PRUNE2: variants seen among roughly 807,000 people sequenced by gnomAD.
PRUNE2 encodes the protein protein prune homolog 2.
In PRUNE2, 164 loss-of-function variants were observed where a neutral mutation model predicts 252.0. The observed-to-expected ratio is 0.65, with a 90% CI of 0.57 to 0.74. The LOEUF (loss-of-function observed/expected upper bound fraction) is 0.74, where lower values mean the gene tolerates loss of function less well. Among genes scored for constraint, PRUNE2 ranks in the 30% least tolerant of loss-of-function variants. The pLI, the probability that PRUNE2 is intolerant of heterozygous loss-of-function variation, is 0.00. For missense variants in PRUNE2, 3,495 were observed against 3,711.0 expected (o/e 0.94, Z 1.51); for synonymous variants, 1,292 against 1,350.2 (o/e 0.96, Z 0.94).
At position 76,710,043 on chromosome 9, in the gene PRUNE2, G is replaced by A; in HGVS notation, c.2231C>T (p.Pro744Leu). ...NEESLPFQNL[P>L]MEKSPLPNTS... ...ATTTGGCAAAGGTGACTTCTCCATG[G>A]GCAGGTTCTGGAACGGCAAGCTTTC... is the stretch of plus-strand genomic sequence containing the variant. The change falls in exon 8 of 19, where the codon CCC (proline) becomes CTC (leucine). Residue 744 changes from proline to leucine, a missense_variant. Pro to Leu is a moderately conservative substitution (Grantham distance 98, BLOSUM62 -3). Transcript: ENST00000376718. The A allele has an allele frequency of 1.2e-6, 2 of 1,613,836 alleles. No individual in the cohort carries two copies. Among genetic ancestry groups the A allele is most frequent in the Non-Finnish European group, 1.7e-6 (2 of 1,179,848 alleles).
chr9:76,732,380 T>C (rs1409202782), intron 6 of PRUNE2, among the ~76,000 whole-genome samples: 1 of 152,152 alleles, frequency 6.6e-6, no homozygotes, highest in Admixed American at 6.5e-5. Flanking sequence ...GGAAAGGCAA[T>C]CTTCTCTTTG....
At chr9:76,694,932 A>T (rs917634500) in intron 9 of PRUNE2, among the ~76,000 whole-genome samples, 1 of 152,194 alleles carries the variant, frequency 6.6e-6, no homozygotes, top group African/African-American at 2.4e-5. Flanking sequence ...TTAAAAAATA[A>T]ATATAAAAAG....
intron 9 of PRUNE2, among the ~76,000 whole-genome samples, chr9:76,688,811 A>T (rs1431610933): frequency 6.6e-6 from 1 of 152,208 alleles, no homozygotes; most frequent in Non-Finnish European, 1.5e-5. Context: ...CATTTAGAAT[A>T]ATCCATCCTT....
At chr9:76,852,210 G>T (rs917589691) in intron 2 of PRUNE2, among the ~76,000 whole-genome samples, 2 of 152,210 alleles carry the variant, frequency 1.3e-5, no homozygotes, top group Non-Finnish European at 2.9e-5. Flanking sequence ...AACAAAGTGG[G>T]TTTTCTCCCT....
At chr9:76,813,506 C>A (rs2057491771) in intron 6 of PRUNE2, among the ~76,000 whole-genome samples, 1 of 152,078 alleles carries the variant, frequency 6.6e-6, no homozygotes, top group African/African-American at 2.4e-5. Context: ...CACACACACA[C>A]AAATAAGGAA....
chr9:76,670,293 C>G (rs545518637), intron 9 of PRUNE2, among the ~76,000 whole-genome samples: 2 of 151,936 alleles, frequency 1.3e-5, no homozygotes, highest in African/African-American at 4.8e-5. Flanking sequence ...GGGTGACGGA[C>G]GGCACCTGGA....
At chr9:76,799,144 C>G (rs1170167448) in intron 6 of PRUNE2, among the ~76,000 whole-genome samples, 1 of 152,066 alleles carries the variant, frequency 6.6e-6, no homozygotes, top group Non-Finnish European at 1.5e-5. Context: ...AGTTTGAGAC[C>G]AGCCTGGCCA....
chr9:76,751,245 GACACAGACACACACACACACAC>G (rs2050584907), intron 6 of PRUNE2, among the ~76,000 whole-genome samples: 1 of 86,534 alleles, frequency 1.2e-5, no homozygotes, highest in South Asian at 4.8e-4. Flanking sequence ...TTCCCTAGGG[GACACAGACACACACACACACAC>G]ACACAGACAC....
intron 6 of PRUNE2, among the ~76,000 whole-genome samples, chr9:76,777,901 A>T (rs2053974295): frequency 6.6e-6 from 1 of 152,214 alleles, no homozygotes; most frequent in Non-Finnish European, 1.5e-5. Context: ...GAGAGGGGAC[A>T]GCAGGTACAA....
At position 76,631,744 on chromosome 9, in the gene PRUNE2, T is replaced by C. The variant is rs139550644; in HGVS notation, c.9051-2454A>G. On this transcript the variant is annotated intron_variant, in intron 15 of 18. Transcript: ENST00000376718. The stretch of plus-strand genomic sequence containing the variant: ...ATGGGTAAACTGCATGTCACAGTGG[T>C]TTGATGTACAGATTATTTTGTCACC... Among the ~76,000 whole-genome samples, 1,458 of 152,304 alleles carry C rather than the reference T, an allele frequency of 9.6e-3. 14 individuals are homozygous for C. Among genetic ancestry groups the C allele is most frequent in the Non-Finnish European group, 0.016 (1,118 of 68,016 alleles).
chr9:76,740,925 C>T (rs1481454713), intron 6 of PRUNE2, among the ~76,000 whole-genome samples: 1 of 152,150 alleles, frequency 6.6e-6, no homozygotes, highest in Non-Finnish European at 1.5e-5. Context: ...TTGATTTCTC[C>T]TACACTTATT....
chr9:76,792,419 G>A (rs2055643881), intron 6 of PRUNE2, among the ~76,000 whole-genome samples: 1 of 152,124 alleles, frequency 6.6e-6, no homozygotes, highest in African/African-American at 2.4e-5. Flanking sequence ...TTAGCAGCGT[G>A]AGAATGGACT....
At chr9:76,651,717 G>C (rs1847473932) in intron 11 of PRUNE2, among the ~76,000 whole-genome samples, 2 of 152,184 alleles carry the variant, frequency 1.3e-5, no homozygotes, top group East Asian at 3.8e-4. Flanking sequence ...AGTCTTGGAT[G>C]ATCTGAAAAC....
intron 6 of PRUNE2, among the ~76,000 whole-genome samples, chr9:76,714,912 A>G (rs12350561): frequency 0.018 from 2,800 of 152,318 alleles, 82 homozygotes; most frequent in African/African-American, 0.063. Flanking sequence ...GTCCACATAT[A>G]TATCTATCCT....
chr9:76,824,193 C>T (rs1052311659), intron 5 of PRUNE2, among the ~76,000 whole-genome samples: 3 of 152,242 alleles, frequency 2.0e-5, no homozygotes, highest in Non-Finnish European at 4.4e-5. Context: ...ATTGGTCAAA[C>T]CCAACCAGAA....
chr9:76,775,441 C>T (rs923580639), intron 6 of PRUNE2, among the ~76,000 whole-genome samples: 4 of 151,368 alleles, frequency 2.6e-5, no homozygotes, highest in Non-Finnish European at 4.4e-5. Context: ...GGACTACAGG[C>T]ATGCACTACC....
chr9:76,673,789 A>G (rs2041995340), intron 9 of PRUNE2, among the ~76,000 whole-genome samples: 3 of 151,222 alleles, frequency 2.0e-5, no homozygotes, highest in South Asian at 4.2e-4. Context: ...TATAAACAGA[A>G]CCAAAGACAA....
intron 9 of PRUNE2, chr9:76,692,412 G>A (rs1231117529): frequency 2.2e-6 from 1 of 457,858 alleles, no homozygotes; most frequent in African/African-American, 2.0e-5. Flanking sequence ...GACTGGATGT[G>A]AATGGGCTCA....
chr9:76,676,751 G>T (rs2134099121), intron 9 of PRUNE2, among the ~76,000 whole-genome samples: 1 of 152,314 alleles, frequency 6.6e-6, no homozygotes, highest in African/African-American at 2.4e-5. Context: ...AATTTCAGTT[G>T]TTTATCAGTA....
Sources: gnomAD v4.1 joint callset for allele counts (sites outside exome capture counted in the v4.1 genomes callset) on GRCh38, gnomAD v4.1.1 for gene constraint, MANE v1.5 for transcripts, NCBI Gene and HGNC (gene_info 2026-07-23, HGNC 2026-07-21) for gene names.